The following AHR variants were observed in gnomAD, a reference collection of about 807,000 sequenced individuals.
AHR encodes the protein AH-receptor.
AHR carries 40 observed loss-of-function variants against 86.8 expected under a neutral mutation model. That is an observed-to-expected ratio of 0.46 (90% CI 0.36 to 0.60). The LOEUF is 0.60. AHR is among the 20% of genes least tolerant of loss of function. The pLI is 0.00. For synonymous variants in AHR, 398 were observed against 354.9 expected, an observed-to-expected ratio of 1.12 and a Z score of -1.37; for missense variants, 1,001 against 1,011.6, an observed-to-expected ratio of 0.99 and a Z score of 0.14.
chr7:17,337,813 T>G (rs1245925715), intron 9 of AHR, among the ~76,000 whole-genome samples: 1 of 152,114 alleles, frequency 6.6e-6, no homozygotes. Flanking sequence ...TTTTATAAAT[T>G]ACATTTGTAT....
chr7:17,302,716 C>T (rs528373142), intron 1 of AHR, among the ~76,000 whole-genome samples: 1 of 151,872 alleles, frequency 6.6e-6, no homozygotes, highest in East Asian at 1.9e-4. Flanking sequence ...CTAGTTTCTT[C>T]ACTGTTACAG....
At chr7:17,300,545 A>T (rs542397151) in intron 1 of AHR, among the ~76,000 whole-genome samples, 1 of 152,320 alleles carries the variant, frequency 6.6e-6, no homozygotes, top group East Asian at 1.9e-4. Context: ...ATACTTATGA[A>T]TTGGCATTAA....
chr7:17,321,241 G>A (rs952421997), intron 2 of AHR, among the ~76,000 whole-genome samples: 4 of 152,006 alleles, frequency 2.6e-5, no homozygotes, highest in African/African-American at 9.7e-5. Context: ...CATAAGCTCT[G>A]AGAAATATTT....
chr7:17,309,696 G>A (rs1375054354), intron 1 of AHR, among the ~76,000 whole-genome samples: 1 of 152,188 alleles, frequency 6.6e-6, no homozygotes, highest in Non-Finnish European at 1.5e-5. Context: ...TGAAGTATAA[G>A]CAAACATTTT....
chr7:17,300,002 A>T (rs766093972), intron 1 of AHR, among the ~76,000 whole-genome samples: 1 of 152,184 alleles, frequency 6.6e-6, no homozygotes, highest in Non-Finnish European at 1.5e-5. Context: ...CTTTTTCGGA[A>T]GCTTGCTTAT....
intron 1 of AHR, 98 bp downstream of exon 1, chr7:17,299,427 G>A: frequency 7.2e-7 from 1 of 1,393,396 alleles, no homozygotes; most frequent in Admixed American, 2.0e-5. Context: ...CTGCGATCCT[G>A]GGATTAGGTC....
chr7:17,301,690 C>T (rs1413924265), intron 1 of AHR, among the ~76,000 whole-genome samples: 3 of 151,802 alleles, frequency 2.0e-5, no homozygotes, highest in East Asian at 1.9e-4. Flanking sequence ...AGTGGCGGCT[C>T]TCACATTGAA....
intron 2 of AHR, among the ~76,000 whole-genome samples, chr7:17,314,741 C>T (rs1448329181): frequency 6.6e-6 from 1 of 151,982 alleles, no homozygotes; most frequent in Non-Finnish European, 1.5e-5. Flanking sequence ...TTTATAAAAT[C>T]TAATAGATTT....
chr7:17,335,902 A>C, intron 9 of AHR, 116 bp downstream of exon 9: 2 of 1,111,318 alleles, frequency 1.8e-6, no homozygotes, highest in African/African-American at 3.2e-5. Context: ...TGAAAAGTTT[A>C]ATTCATCTAG....
intron 3 of AHR, among the ~76,000 whole-genome samples, chr7:17,326,167 TTACC>T (rs1408274546): frequency 1.3e-4 from 20 of 152,188 alleles, no homozygotes; most frequent in Non-Finnish European, 2.6e-4. Flanking sequence ...AACATGGCAC[TTACC>T]TCATTGGGTT....
rs1367998111 is a variant in AHR, at chr7:17,339,389, T to C, written c.1564T>C (p.Ser522Pro). ...AATTGACCAGCCTCAGGATGTGAACTCATTTGCTGGAGGTCACCCAGGGCT... is the reference window on the plus strand; with the variant it reads ...AATTGACCAGCCTCAGGATGTGAACCCATTTGCTGGAGGTCACCCAGGGCT... ...EQIDQPQDVN[S>P]FAGGHPGLFQ... The change falls in exon 10 of 11, where the codon TCA becomes CCA. Residue 522 changes from serine to proline, a missense_variant. Ser to Pro is a moderately conservative substitution (Grantham distance 74, BLOSUM62 -1). Coordinates refer to ENST00000242057, the MANE Select transcript of AHR (RefSeq NM_001621.5). 1 of 1,614,230 alleles carries C rather than the reference T, an allele frequency of 6.2e-7. No homozygotes were observed. The highest frequency in any genetic ancestry group is 2.2e-5 in the East Asian group (1 of 44,882).
intron 3 of AHR, among the ~76,000 whole-genome samples, chr7:17,322,911 T>A (rs1258085144): frequency 6.6e-6 from 1 of 152,092 alleles, no homozygotes; most frequent in Non-Finnish European, 1.5e-5. Flanking sequence ...TGTGTTAAAA[T>A]TGCCTACAGT....
At chr7:17,326,810 C>T (rs1782235097) in intron 3 of AHR, among the ~76,000 whole-genome samples, 1 of 152,088 alleles carries the variant, frequency 6.6e-6, no homozygotes, top group South Asian at 2.1e-4. Context: ...CTGTGTTTCT[C>T]CTTACATGAA....
At position 17,345,122 on chromosome 7, in the gene AHR, C is replaced by G. The variant is rs935149130; in HGVS notation, c.*2058C>G. On this transcript the variant is annotated 3_prime_UTR_variant, in exon 11 of 11. Transcript: ENST00000242057. ...ACGAGGTCAAGAGATGGAGACCATCCTGACCAACATGGTGAAACCCTGTCT... is the reference window on the plus strand; with the variant it reads ...ACGAGGTCAAGAGATGGAGACCATCGTGACCAACATGGTGAAACCCTGTCT... The G allele has an allele frequency of 6.6e-6, 1 of 151,788 alleles. No individual in the cohort carries two copies. The highest frequency in any genetic ancestry group is 1.5e-5 in the Non-Finnish European group (1 of 67,962). The allele number at this position is 151,788 out of a possible 1,614,324, so 9.4% of individuals were successfully genotyped here.
chr7:17,304,892 C>T (rs188047825), intron 1 of AHR, among the ~76,000 whole-genome samples: 23 of 151,730 alleles, frequency 1.5e-4, no homozygotes, highest in African/African-American at 4.1e-4. Context: ...ACATTTTATG[C>T]GGGTTCGAGG....
intron 2 of AHR, among the ~76,000 whole-genome samples, chr7:17,313,141 T>A (rs1445789336): frequency 6.6e-6 from 1 of 152,074 alleles, no homozygotes; most frequent in Admixed American, 6.6e-5. Context: ...GTTTTTTTTT[T>A]AATCCCCAAA....
chr7:17,335,219 T>G (rs1440148730), intron 8 of AHR, among the ~76,000 whole-genome samples: 1 of 152,116 alleles, frequency 6.6e-6, no homozygotes, highest in African/African-American at 2.4e-5. Context: ...AATGACCATT[T>G]TGGCCCATGA....
At chr7:17,321,585 C>CGACACACATA in intron 2 of AHR, among the ~76,000 whole-genome samples, 1 of 69,690 alleles carries the variant, frequency 1.4e-5, no homozygotes, top group African/African-American at 4.4e-5. Context: ...TACATACATA[C>CGACACACATA]CACACACATA....
intron 2 of AHR, among the ~76,000 whole-genome samples, chr7:17,321,525 T>C (rs557495623): frequency 3.6e-4 from 55 of 151,854 alleles, no homozygotes; most frequent in East Asian, 7.7e-4. Flanking sequence ...AATGTTTAAG[T>C]GGTAGCTGTT....
Sources: allele counts gnomAD v4.1 joint callset (sites outside exome capture counted in the v4.1 genomes callset), GRCh38; gene constraint gnomAD v4.1.1; transcripts MANE v1.5; gene names NCBI Gene and HGNC (gene_info 2026-07-23, HGNC 2026-07-21).